The following LRCH3 variants were observed in gnomAD, a reference collection of about 807,000 sequenced individuals.
LRCH3 encodes leucine rich repeats and calponin homology domain containing 3.
A neutral mutation model predicts 104.5 loss-of-function variants in LRCH3; 68 were observed. The ratio of observed to expected loss-of-function variants is 0.65; its 90% confidence interval spans 0.54 to 0.80. The LOEUF (loss-of-function observed/expected upper bound fraction) is 0.80. Ranked by LOEUF, LRCH3 falls within the 30% of genes least tolerant of loss-of-function variation. The probability of loss-of-function intolerance (pLI) is 0.00; values close to 1 mark genes in which losing one functional copy is unlikely to be tolerated. For synonymous variants in LRCH3, 344 were observed against 361.3 expected (o/e 0.95, Z 0.54); for missense variants, 951 against 953.9 (o/e 1.00, Z 0.04).
At chr3:197,793,993 A>G (rs1730916267) in intron 1 of LRCH3, among the ~76,000 whole-genome samples, 1 of 152,244 alleles carries the variant, frequency 6.6e-6, no homozygotes, top group Non-Finnish European at 1.5e-5. Flanking sequence ...TTTGAAATAT[A>G]CTGCCTTGTT....
chr3:197,827,777 C>G (rs1187134312), intron 5 of LRCH3, among the ~76,000 whole-genome samples: 1 of 151,610 alleles, frequency 6.6e-6, no homozygotes, highest in Non-Finnish European at 1.5e-5. Flanking sequence ...TGAGTGTAGA[C>G]ACCATAAATG....
At chr3:197,839,101 T>G (rs1043610737) in intron 9 of LRCH3, among the ~76,000 whole-genome samples, 3 of 152,236 alleles carry the variant, frequency 2.0e-5, no homozygotes, top group African/African-American at 7.2e-5. Flanking sequence ...TCTACTTTCT[T>G]ATAAAATAAA....
chr3:197,881,564 A>G, intron 20 of LRCH3: 1 of 983,024 alleles, frequency 1.0e-6, no homozygotes, highest in Non-Finnish European at 1.2e-6. Flanking sequence ...GTGAAACAGT[A>G]GCAGGAGAAG....
chr3:197,872,374 A>C (rs1712313484), intron 19 of LRCH3, among the ~76,000 whole-genome samples: 3 of 151,504 alleles, frequency 2.0e-5, no homozygotes, highest in Non-Finnish European at 4.4e-5. Context: ...AAAAAAAAAA[A>C]AAAAAAGGAA....
chr3:197,882,567 A>C (rs1437795775), intron 20 of LRCH3: 2 of 957,968 alleles, frequency 2.1e-6, no homozygotes, highest in Non-Finnish European at 2.5e-6. Flanking sequence ...TTTAACAAAC[A>C]TATATAATCT....
At chr3:197,849,242 T>C (rs1739212158) in intron 12 of LRCH3, among the ~76,000 whole-genome samples, 1 of 129,076 alleles carries the variant, frequency 7.7e-6, no homozygotes, top group Non-Finnish European at 1.5e-5. Context: ...TCATGCAGCC[T>C]GGTTGACAGA....
chr3:197,812,169 A>G (rs1314219602), intron 1 of LRCH3, among the ~76,000 whole-genome samples: 2 of 152,180 alleles, frequency 1.3e-5, no homozygotes, highest in Admixed American at 1.3e-4. Context: ...TATGCGTTAA[A>G]CACTAACTCC....
At chr3:197,803,391 T>C (rs2109124319) in intron 1 of LRCH3, among the ~76,000 whole-genome samples, 1 of 152,330 alleles carries the variant, frequency 6.6e-6, no homozygotes, top group East Asian at 1.9e-4. Context: ...TGGGTGAGAT[T>C]ACTAGAGAGA....
intron 1 of LRCH3, among the ~76,000 whole-genome samples, chr3:197,812,635 A>G (rs1415780057): frequency 6.8e-6 from 1 of 147,882 alleles, no homozygotes; most frequent in East Asian, 2.1e-4. Flanking sequence ...GTTTTTTGAG[A>G]AACATTCAAA....
intron 4 of LRCH3, among the ~76,000 whole-genome samples, chr3:197,824,849 C>T (rs538172633): frequency 1.3e-5 from 2 of 151,788 alleles, no homozygotes; most frequent in African/African-American, 2.4e-5. Context: ...GGATTACAGG[C>T]GTGAGCCACT....
rs113781589 is a variant in LRCH3 at position 197,846,385 on chromosome 3, C to CAAAA, written c.1329-1012_1329-1009dup. 3.1e-3 allele frequency among the ~76,000 whole-genome samples: 205 copies of CAAAA among 66,706 alleles called. 7 individuals carry two copies. The highest frequency in any genetic ancestry group is 9.3e-3 in the African/African-American group (194 of 20,796). 43.8% of individuals were successfully genotyped at this position (66,706 alleles called of 152,430 possible). On this transcript the variant is annotated intron_variant, in intron 10 of 20. Transcript: ENST00000425562. ...CGGCATTGCACTCCACCTTGGGCCA[C>CAAAA]AAAAAAAAAAAAAAACAAAAAAAAA...
rs1022163762 is a variant in LRCH3 at position 197,810,102 on chromosome 3, GTTA to G, written c.263-4801_263-4799del. ...TGAGATATTTGGGTGGAATAGAGCA[GTTA>G]TTATCTAAAAGTTTTCTGTCTTGCT... On this transcript the variant is annotated intron_variant, in intron 1 of 20. Transcript: ENST00000425562. The surrounding 1 kb of genome is among the most constrained non-coding windows in gnomAD (Gnocchi z 4.0). Among the ~76,000 whole-genome samples the G allele has an allele frequency of 7.9e-5, 12 of 152,234 alleles. No individual in the cohort carries two copies. Among genetic ancestry groups the G allele is most frequent in the African/African-American group, 2.9e-4 (12 of 41,548 alleles).
chr3:197,870,806 T>TTGTTTTGTG (rs1176756821), intron 18 of LRCH3, among the ~76,000 whole-genome samples: 2 of 152,210 alleles, frequency 1.3e-5, no homozygotes, highest in Non-Finnish European at 2.9e-5. Context: ...TGAGTGCCCA[T>TTGTTTTGTG]TGTGTGCCAT....
chr3:197,839,776 T>C (rs558270041), intron 10 of LRCH3, among the ~76,000 whole-genome samples: 2 of 151,834 alleles, frequency 1.3e-5, no homozygotes, highest in African/African-American at 4.8e-5. Flanking sequence ...GCCCAGGAGT[T>C]TGAGACCAGT....
At chr3:197,818,056 T>C (rs1734057551) in intron 3 of LRCH3, among the ~76,000 whole-genome samples, 1 of 152,102 alleles carries the variant, frequency 6.6e-6, no homozygotes, top group Non-Finnish European at 1.5e-5. Flanking sequence ...CTCCTGACCT[T>C]GTGATCTGCC....
intron 4 of LRCH3, chr3:197,823,012 C>A (rs368015564): frequency 6.7e-6 from 1 of 148,922 alleles, no homozygotes; most frequent in Admixed American, 6.7e-5. Context: ...TTTTTTGAGA[C>A]GGAGTCTCAC....
intron 1 of LRCH3, among the ~76,000 whole-genome samples, chr3:197,803,709 G>A (rs1256586760): frequency 6.6e-6 from 1 of 152,192 alleles, no homozygotes; most frequent in Non-Finnish European, 1.5e-5. Flanking sequence ...TTATTTTGGA[G>A]GATAGTGGTT....
At position 197,887,317 on chromosome 3, in the gene LRCH3, C is replaced by T. The variant is rs9863848; in HGVS notation, c.*3651C>T. The T allele has an allele frequency of 6.5e-6, 1 of 153,756 alleles. No individual in the cohort carries two copies. The highest frequency in any genetic ancestry group is 2.4e-5 in the African/African-American group (1 of 41,364). 9.5% of individuals were successfully genotyped at this position (153,756 alleles called of 1,614,324 possible). On this transcript the variant is annotated 3_prime_UTR_variant, in exon 21 of 21. Coordinates refer to ENST00000425562, the MANE Select transcript of LRCH3 (RefSeq NM_001365715.1). ...CAGCTCCCCTGACCTGAAGCAGAGC[C>T]CTTCCCATCACTGACAGTGTTGGGG...
chr3:197,852,268 T>G (rs1322604505), intron 12 of LRCH3: 1 of 267,892 alleles, frequency 3.7e-6, no homozygotes, highest in African/African-American at 2.2e-5. Context: ...AACCTGAGAT[T>G]TGCTTCTAGC....
Sources: allele counts gnomAD v4.1 joint callset (sites outside exome capture counted in the v4.1 genomes callset), GRCh38; gene constraint gnomAD v4.1.1; non-coding constraint Gnocchi (gnomAD v3.1); transcripts MANE v1.5; gene names NCBI Gene and HGNC (gene_info 2026-07-23, HGNC 2026-07-21).